The following PYGM variants were observed in gnomAD, a reference collection of about 807,000 sequenced individuals.
The protein encoded by PYGM is glycogen phosphorylase, muscle form.
In PYGM, 81 loss-of-function variants were observed where a neutral mutation model predicts 99.3. That is an observed-to-expected ratio of 0.82 (90% CI 0.68 to 0.98). PYGM has a LOEUF of 0.98. Among genes scored for constraint, PYGM ranks in the 50% least tolerant of loss-of-function variants. The pLI, the probability that PYGM is intolerant of heterozygous loss-of-function variation, is 0.00. For missense variants in PYGM, 1,030 were observed against 1,158.1 expected (o/e 0.89, Z 1.61); for synonymous variants, 436 against 451.5 (o/e 0.97, Z 0.44).
Position 64,752,391 on chromosome 11 carries a change from A to G in PYGM, c.1620+12T>C. 3 of 1,611,984 alleles carry G rather than the reference A, an allele frequency of 1.9e-6. No homozygotes were observed. The highest frequency in any genetic ancestry group is 2.2e-5 in the South Asian group (2 of 91,040). On this transcript the variant is annotated intron_variant, in intron 13 of 19. Transcript: ENST00000164139. ...ACACAGCACAGCTGTCCCACATTGC[A>G]TCTCTCCCCACCTGCTTCACTTTGG...
At chr11:64,760,123 A>C, upstream of PYGM, 1 of 667,290 alleles carries the variant, frequency 1.5e-6, no homozygotes, top group Non-Finnish European at 2.4e-6. Context: ...GGTGAGCTCC[A>C]CTTGGGCCGC....
Position 64,754,136 on chromosome 11 carries a change from C to T in PYGM, c.1093-111G>A. 2 of 1,590,922 alleles carry T rather than the reference C, an allele frequency of 1.3e-6. No homozygotes were observed. The highest frequency in any genetic ancestry group is 2.2e-5 in the South Asian group (2 of 90,578). ...TGCAGTGCCAGGTTCCAGGACGGTC[C>T]CTCTGGCCTCAGGCTCTGATCCCTT... On this transcript the variant is annotated intron_variant, in intron 9 of 19. Coordinates refer to ENST00000164139, the MANE Select transcript of PYGM (RefSeq NM_005609.4). The surrounding 1 kb of genome is among the most constrained non-coding windows in gnomAD (Gnocchi z 5.5).
At chr11:64,757,700 T>C (rs2058402239) in intron 5 of PYGM, 79 bp downstream of exon 5, 1 of 1,593,024 alleles carries the variant, frequency 6.3e-7, no homozygotes, top group Non-Finnish European at 8.6e-7. Flanking sequence ...TAAAATACAC[T>C]GGGTCCTGCT....
chr11:64,754,395 ATGG>A lies in PYGM; in HGVS notation c.1000-53_1000-51del. On this transcript the variant is annotated intron_variant, in intron 8 of 19. Coordinates refer to ENST00000164139, the MANE Select transcript of PYGM (RefSeq NM_005609.4). The surrounding 1 kb of genome is among the most constrained non-coding windows in gnomAD (Gnocchi z 5.5). ...TGGGCTCCAAACCACATTCCATGCT[ATGG>A]TCACTGCCCTATGCCATTTGGAGGC... The A allele has an allele frequency of 6.9e-7, 1 of 1,456,642 alleles. No homozygotes were observed. Among genetic ancestry groups the A allele is most frequent in the Non-Finnish European group, 9.6e-7 (1 of 1,039,824 alleles). The allele number at this position is 1,456,642 out of a possible 1,614,324, so 90.2% of individuals were successfully genotyped here. A position where few individuals can be genotyped will look rare whatever the true frequency, so the allele number is the denominator to read the frequency against.
chr11:64,759,674 G>T lies in PYGM; in HGVS notation c.225C>A (p.Tyr75Ter), dbSNP rs773361937. Residue 75 changes from tyrosine (Y) to a stop codon, truncating the protein, a stop_gained, in exon 1 of 20, where the codon TAC becomes TAA. Coordinates refer to ENST00000164139, the MANE Select transcript of PYGM (RefSeq NM_005609.4). LOFTEE classifies it high-confidence loss of function. ...VGRWIRTQQHYYEKDPKRIYY... is the reference protein window; with the variant it reads ...VGRWIRTQQH ...GCAGCACCTTGGGGTCCTTCTCATA[G>T]TAGTGCTGCTGCGTGCGGATCCAGC... 1.2e-6 allele frequency: 2 copies of T among 1,613,964 alleles called. No individual in the cohort carries two copies. The highest frequency in any genetic ancestry group is 1.7e-6 in the Non-Finnish European group (2 of 1,179,946).
At chr11:64,759,610 G>A in intron 1 of PYGM, 46 bp downstream of exon 1, 1 of 1,608,284 alleles carries the variant, frequency 6.2e-7, no homozygotes, top group Non-Finnish European at 8.5e-7. Flanking sequence ...CAGCTCCCTG[G>A]CAGCGCCTTC....
chr11:64,749,760 T>C (rs2058340857), intron 17 of PYGM, among the ~76,000 whole-genome samples: 3 of 152,256 alleles, frequency 2.0e-5, no homozygotes, highest in Non-Finnish European at 2.9e-5. Context: ...GTGCCCATAT[T>C]TCCCTTTTGC....
In PYGM at chr11:64,751,614, C is replaced by G. The variant is rs757162212; in HGVS notation, c.1810G>C (p.Val604Leu). Residue 604 changes from valine (V) to leucine (L), a missense_variant, in exon 15 of 20, where the codon GTG (valine) becomes CTG (leucine). Val to Leu is a conservative substitution (Grantham distance 32, BLOSUM62 1). Coordinates refer to ENST00000164139, the MANE Select transcript of PYGM (RefSeq NM_005609.4). ...CTTCTCACCTTCCCTCCAATCATCACAGTCCGAGGCACAAAAAACTTATTG... is the reference window on the plus strand; with the variant it reads ...CTTCTCACCTTCCCTCCAATCATCAGAGTCCGAGGCACAAAAAACTTATTG... ...EPNKFFVPRT[V>L]MIGGKAAPGY... The G allele has an allele frequency of 3.1e-6, 5 of 1,613,916 alleles. No homozygotes were observed. In the Admixed American group the frequency reaches 6.7e-5, roughly 22 times the overall value.
chr11:64,754,740 C>T lies in PYGM; in HGVS notation c.952G>A (p.Gly318Ser), dbSNP rs368077182. The stretch of plus-strand genomic sequence containing the variant: ...TTCGTGCGCACGGGATCACGGCAGC[C>T]GAACTTGGAAGACTTGAAGCGACGG... ...IIRRFKSSKF[G>S]CRDPVRTNFD... Residue 318 changes from glycine (G) to serine (S), a missense_variant, in exon 8 of 20, where the codon GGC (glycine) becomes AGC (serine). Coordinates refer to ENST00000164139, the MANE Select transcript of PYGM (RefSeq NM_005609.4). This position sits in a 1 kb window ranked among gnomAD's most constrained non-coding sequence, Gnocchi z 5.5. 6.8e-6 allele frequency: 11 copies of T among 1,613,746 alleles called. No homozygotes were observed. Among genetic ancestry groups the T allele is most frequent in the Admixed American group, 1.7e-5 (1 of 59,992 alleles).
chr11:64,749,432 G>T (rs2135826955), intron 17 of PYGM, among the ~76,000 whole-genome samples: 1 of 152,106 alleles, frequency 6.6e-6, no homozygotes, highest in African/African-American at 2.4e-5. Context: ...CACGAGGTCA[G>T]CAGATCGAGA....
intron 5 of PYGM, among the ~76,000 whole-genome samples, chr11:64,757,034 C>T (rs867682944): frequency 6.6e-6 from 1 of 151,996 alleles, no homozygotes; most frequent in Non-Finnish European, 1.5e-5. Flanking sequence ...AAGCAGTTCT[C>T]CCACTTCAGC....
chr11:64,759,076 C>T (rs926660276), intron 1 of PYGM, among the ~76,000 whole-genome samples: 1 of 2,284 alleles, frequency 4.4e-4, no homozygotes, highest in Non-Finnish European at 2.0e-3. Context: ...TAGAGACTGT[C>T]ACCTCCCATC....
In PYGM at chr11:64,752,036, C is replaced by T; in HGVS notation, c.1656G>A (p.Arg552=). 1 of 1,614,018 alleles carries T rather than the reference C, an allele frequency of 6.2e-7. No homozygotes were observed. Among genetic ancestry groups the T allele is most frequent in the Non-Finnish European group, 8.5e-7 (1 of 1,180,010 alleles). ...NKLKFAAYLE[R]EYKVHINPNS... is the part of the protein sequence containing the mutation. ...TGGGGTTGATGTGGACTTTGTATTCCCTCTCTAGGTAGGCAGCAAACTTCA... is the reference window on the plus strand; with the variant it reads ...TGGGGTTGATGTGGACTTTGTATTCTCTCTCTAGGTAGGCAGCAAACTTCA... The change falls in exon 14 of 20, where the codon AGG becomes AGA. Residue 552 remains arginine, a synonymous_variant. Coordinates refer to ENST00000164139, the MANE Select transcript of PYGM (RefSeq NM_005609.4).
At position 64,758,293 on chromosome 11, in the gene PYGM, G is replaced by A. The variant is rs200038732; in HGVS notation, c.481C>T (p.Arg161Cys). The change falls in exon 4 of 20, where the codon CGC (arginine) becomes TGC (cysteine). Residue 161 changes from arginine (R) to cysteine (C), a missense_variant. Physicochemically the swap from Arg to Cys is radical, Grantham distance 180. Coordinates refer to ENST00000164139, the MANE Select transcript of PYGM (RefSeq NM_005609.4). ...TGGTTAAAAATCCCAAACTCATAGCGAATCCCGTAGCCATAGGCGGCCAGG... is the reference window on the plus strand; with the variant it reads ...TGGTTAAAAATCCCAAACTCATAGCAAATCCCGTAGCCATAGGCGGCCAGG... Reference protein sequence around the residue: ...LGLAAYGYGIRYEFGIFNQKI... With the variant: ...LGLAAYGYGICYEFGIFNQKI... The A allele has an allele frequency of 2.4e-5, 39 of 1,614,050 alleles. No individual in the cohort carries two copies. The highest frequency in any genetic ancestry group is 6.6e-5 in the South Asian group (6 of 91,074).
In PYGM at chr11:64,754,163, A is replaced by C. The variant is rs1592411988; in HGVS notation, c.1092+90T>G. On this transcript the variant is annotated intron_variant, in intron 9 of 19. Coordinates refer to ENST00000164139, the MANE Select transcript of PYGM (RefSeq NM_005609.4). This position sits in a 1 kb window ranked among gnomAD's most constrained non-coding sequence, Gnocchi z 5.5. The stretch of plus-strand genomic sequence containing the variant: ...TCTGGCCTCAGGCTCTGATCCCTTC[A>C]CTCCATTCATATCCTCCCACGCTCC... The C allele has an allele frequency of 6.3e-7, 1 of 1,575,952 alleles. No individual in the cohort carries two copies. The highest frequency in any genetic ancestry group is 8.7e-7 in the Non-Finnish European group (1 of 1,146,830).
Position 64,754,301 on chromosome 11 carries a change from G to A in PYGM, c.1044C>T (p.Pro348=), listed in dbSNP as rs763750599. 14 of 1,613,712 alleles carry A rather than the reference G, an allele frequency of 8.7e-6. No individual in the cohort carries two copies. In the East Asian group the frequency reaches 8.9e-5, roughly 10 times the overall value. ...LNDTHPSLAI[P]ELMRILVDLE... ...GGTCCACCAGGATCCTCATCAGCTC[G>A]GGGATGGCCAGGGAGGGGTGGGTGT... Residue 348 remains proline, a synonymous_variant, in exon 9 of 20, where the codon CCC becomes CCT. Transcript: ENST00000164139. The surrounding 1 kb of genome is among the most constrained non-coding windows in gnomAD (Gnocchi z 5.5).
At position 64,749,271 on chromosome 11, in the gene PYGM, C is replaced by G. The variant is rs1020364497; in HGVS notation, c.2177+1105G>C. 9.9e-5 allele frequency among the ~76,000 whole-genome samples: 15 copies of G among 152,064 alleles called. 1 individual carries two copies. In the South Asian group the frequency reaches 3.1e-3, roughly 32 times the overall value. On this transcript the variant is annotated intron_variant, in intron 17 of 19. Transcript: ENST00000164139. ...CTGAGGCAGGAGAATCGCTTGTACC[C>G]GGGCGGTGGAGGTTGCGGTGAGCCA...
intron 16 of PYGM, 48 bp downstream of exon 16, chr11:64,751,277 G>A (rs769805853): frequency 3.7e-6 from 6 of 1,612,300 alleles, no homozygotes; most frequent in Non-Finnish European, 5.1e-6. Context: ...CTCTTCCTGA[G>A]ACTGAACTAG....
chr11:64,752,979 G>A, intron 12 of PYGM, 94 bp downstream of exon 12: 1 of 1,165,670 alleles, frequency 8.6e-7, no homozygotes. Flanking sequence ...CTTCAGCTGG[G>A]AGCCCTGATG....
Sources: gnomAD v4.1 joint callset for allele counts (sites outside exome capture counted in the v4.1 genomes callset) on GRCh38, gnomAD v4.1.1 for gene constraint, Gnocchi (gnomAD v3.1) non-coding constraint, MANE v1.5 for transcripts, NCBI Gene and HGNC (gene_info 2026-07-23, HGNC 2026-07-21) for gene names.